The following DLC1 variants were observed in gnomAD, a reference collection of about 807,000 sequenced individuals.
The protein encoded by DLC1 is rho GTPase-activating protein 7.
A neutral mutation model predicts 140.3 loss-of-function variants in DLC1; 54 were observed. That is an observed-to-expected ratio of 0.38 (90% CI 0.31 to 0.48). The LOEUF (loss-of-function observed/expected upper bound fraction) is 0.48. DLC1 is among the 20% of genes least tolerant of loss of function. The probability of loss-of-function intolerance (pLI) is 0.96; values close to 1 mark genes in which losing one functional copy is unlikely to be tolerated. For synonymous variants in DLC1, 986 were observed against 728.1 expected (o/e 1.35, Z -5.70); for missense variants, 2,536 against 1,907.0 (o/e 1.33, Z -6.14).
intron 5 of DLC1, among the ~76,000 whole-genome samples, chr8:13,268,859 C>G (rs964535626): frequency 1.7e-4 from 26 of 148,842 alleles, no homozygotes; most frequent in African/African-American, 6.4e-4. Flanking sequence ...CCCCTCCCAT[C>G]TGTGCTTCCT....
intron 2 of DLC1, among the ~76,000 whole-genome samples, chr8:13,458,166 A>G (rs1197125370): frequency 6.6e-6 from 1 of 152,208 alleles, no homozygotes; most frequent in African/African-American, 2.4e-5. Flanking sequence ...TCATACATGA[A>G]CTTTAACAGA....
intron 5 of DLC1, among the ~76,000 whole-genome samples, chr8:13,221,031 G>A (rs573295367): frequency 1.3e-5 from 2 of 152,204 alleles, no homozygotes; most frequent in South Asian, 4.2e-4. Flanking sequence ...TGCCAAGGGG[G>A]TACTAGAGGT....
rs372728241 is a variant in DLC1 at position 13,562,441 on chromosome 8, G to C, written c.-126+42096C>G. Among the ~76,000 whole-genome samples the C allele has an allele frequency of 5.1e-4, 78 of 152,236 alleles. 2 individuals are homozygous for C. In the South Asian group the frequency reaches 0.015, roughly 30 times the overall value. On this transcript the variant is annotated intron_variant, in intron 1 of 1. Transcript: ENST00000631382. ...GGTACACATAAAAAGAAAAAGAAAT[G>C]TAAGTGGCCTTTATGCACATGAAAT...
chr8:13,150,285 T>C, intron 5 of DLC1, among the ~76,000 whole-genome samples: 1 of 152,238 alleles, frequency 6.6e-6, no homozygotes, highest in East Asian at 1.9e-4. Context: ...AAATTAAGTA[T>C]TGCAATGGCT....
chr8:13,219,849 A>G (rs146957820), intron 5 of DLC1, among the ~76,000 whole-genome samples: 21 of 152,274 alleles, frequency 1.4e-4, no homozygotes, highest in African/African-American at 5.1e-4. Flanking sequence ...TGTAAAAAGG[A>G]ATGAAGTACT....
chr8:13,565,728 A>C (rs190379773), intron 1 of DLC1, among the ~76,000 whole-genome samples: 2 of 152,318 alleles, frequency 1.3e-5, no homozygotes, highest in East Asian at 3.9e-4. Flanking sequence ...CTGAGAAAGA[A>C]GGGTGTCTAG....
chr8:13,449,068 A>T (rs1205399850), intron 2 of DLC1, among the ~76,000 whole-genome samples: 1 of 152,198 alleles, frequency 6.6e-6, no homozygotes. Flanking sequence ...AGCATATTAT[A>T]TACCTTACAA....
At chr8:13,294,740 A>G (rs776341195) in intron 5 of DLC1, among the ~76,000 whole-genome samples, 1 of 152,214 alleles carries the variant, frequency 6.6e-6, no homozygotes, top group Non-Finnish European at 1.5e-5. Context: ...TAACCACTAC[A>G]TATAGCATAG....
chr8:13,577,599 T>C (rs1804889023), intron 1 of DLC1, among the ~76,000 whole-genome samples: 1 of 152,202 alleles, frequency 6.6e-6, no homozygotes, highest in South Asian at 2.1e-4. Context: ...TAAATTAATT[T>C]AGAACCTACA....
chr8:13,386,343 C>G (rs1016583952), intron 4 of DLC1, among the ~76,000 whole-genome samples: 2 of 152,020 alleles, frequency 1.3e-5, no homozygotes, highest in Non-Finnish European at 2.9e-5. Context: ...TTACTACAAA[C>G]TAAACACAAG....
At position 13,097,202 on chromosome 8, in the gene DLC1, C is replaced by T. The variant is rs144919191; in HGVS notation, c.3167+1197G>A. On this transcript the variant is annotated intron_variant, in intron 10 of 17. Coordinates refer to ENST00000276297, the MANE Select transcript of DLC1 (RefSeq NM_182643.3). ...ACAGTCTTTGCTAGAAAAAAAGTAA[C>T]CTGAATTCTTTAGCACAGGTGGATG... is the stretch of plus-strand genomic sequence containing the variant. Among the ~76,000 whole-genome samples, 1,000 of 151,900 alleles carry T rather than the reference C, an allele frequency of 6.6e-3. 11 individuals carry two copies. Among genetic ancestry groups the T allele is most frequent in the African/African-American group, 0.023 (950 of 41,444 alleles).
intron 1 of DLC1, among the ~76,000 whole-genome samples, chr8:13,574,008 T>C (rs560794483): frequency 1.3e-5 from 2 of 152,160 alleles, no homozygotes; most frequent in Non-Finnish European, 2.9e-5. Flanking sequence ...GAAACTTTCA[T>C]GGATAACAAA....
intron 2 of DLC1, among the ~76,000 whole-genome samples, chr8:13,471,421 C>G (rs557972627): frequency 4.0e-5 from 6 of 148,188 alleles, no homozygotes; most frequent in Non-Finnish European, 7.4e-5. Flanking sequence ...GTCATACACC[C>G]TTGGTATATA....
chr8:13,181,661 T>G (rs1018624042), intron 5 of DLC1, among the ~76,000 whole-genome samples: 6 of 152,018 alleles, frequency 3.9e-5, no homozygotes, highest in Non-Finnish European at 7.3e-5. Context: ...GCAAAGGACA[T>G]GAACTCATCC....
chr8:13,157,320 T>G (rs577757276), intron 5 of DLC1, among the ~76,000 whole-genome samples: 1 of 152,182 alleles, frequency 6.6e-6, no homozygotes, highest in South Asian at 2.1e-4. Flanking sequence ...TTAGAGAAAG[T>G]ACAGGAGCAA....
chr8:13,352,883 A>G (rs7838745), intron 4 of DLC1, among the ~76,000 whole-genome samples: 1,769 of 152,292 alleles, frequency 0.012, 32 homozygotes, highest in African/African-American at 0.04. Context: ...AAAATACCCA[A>G]GTAATAACCT....
intron 4 of DLC1, among the ~76,000 whole-genome samples, chr8:13,354,749 A>G (rs576650546): frequency 2.0e-5 from 3 of 150,852 alleles, no homozygotes; most frequent in Middle Eastern, 3.5e-3. Context: ...GTTCAAGACC[A>G]GCCTGAGCAA....
intron 2 of DLC1, among the ~76,000 whole-genome samples, chr8:13,417,887 T>C (rs1418033393): frequency 6.6e-6 from 1 of 152,220 alleles, no homozygotes; most frequent in Admixed American, 6.5e-5. Context: ...TTCCTGACTT[T>C]TTAATGATTG....
intron 1 of DLC1, among the ~76,000 whole-genome samples, chr8:13,603,930 T>G (rs887654437): frequency 2.0e-5 from 3 of 152,086 alleles, no homozygotes; most frequent in Admixed American, 6.6e-5. Context: ...CGTGAGTCTG[T>G]TTGGTACATT....
Sources: allele counts gnomAD v4.1 joint callset (sites outside exome capture counted in the v4.1 genomes callset), GRCh38; gene constraint gnomAD v4.1.1; transcripts MANE v1.5; gene names NCBI Gene and HGNC (gene_info 2026-07-23, HGNC 2026-07-21).